Variants in SCN2A observed in about 807,000 individuals in gnomAD.
SCN2A encodes sodium voltage-gated channel alpha subunit 2.
Under a neutral mutation model 188.7 loss-of-function variants are expected in SCN2A, and 20 were observed. The ratio of observed to expected loss-of-function variants is 0.11; its 90% confidence interval spans 0.07 to 0.15. The LOEUF (loss-of-function observed/expected upper bound fraction) is 0.15. SCN2A is among the 10% of genes least tolerant of loss of function. SCN2A has a pLI of 1.00. For synonymous variants in SCN2A, 804 were observed against 833.1 expected (o/e 0.97, Z 0.60); for missense variants, 1,278 against 2,445.0 (o/e 0.52, Z 10.07).
intron 26 of SCN2A, 100 bp downstream of exon 26, chr2:165,387,116 A>G: frequency 8.3e-7 from 1 of 1,210,380 alleles, no homozygotes; most frequent in Non-Finnish European, 1.2e-6. Context: ...CATTCATCCC[A>G]AACTCCCAAA....
intron 1 of SCN2A, among the ~76,000 whole-genome samples, chr2:165,279,761 A>G (rs1387442541): frequency 6.6e-6 from 1 of 152,158 alleles, no homozygotes; most frequent in East Asian, 1.9e-4. Context: ...GGAGGGAGAT[A>G]GATGACATTA....
At chr2:165,283,480 ATGCC>A (rs1315148586) in intron 1 of SCN2A, among the ~76,000 whole-genome samples, 1 of 152,236 alleles carries the variant, frequency 6.6e-6, no homozygotes, top group Non-Finnish European at 1.5e-5. Context: ...CTCATCCTCC[ATGCC>A]TGGGATAAGA....
intron 1 of SCN2A, among the ~76,000 whole-genome samples, chr2:165,263,534 A>G (rs946793710): frequency 8.6e-5 from 13 of 151,820 alleles, no homozygotes; most frequent in Non-Finnish European, 1.6e-4. Flanking sequence ...AGCTGTAAAC[A>G]TTGGGCTTTA....
intron 16 of SCN2A, among the ~76,000 whole-genome samples, chr2:165,347,092 G>A (rs1227079753): frequency 6.6e-6 from 1 of 152,170 alleles, no homozygotes; most frequent in Non-Finnish European, 1.5e-5. Flanking sequence ...CCATAACTGG[G>A]TATATACCCA....
At chr2:165,373,468 A>G in intron 21 of SCN2A, 121 bp downstream of exon 21, 1 of 1,104,322 alleles carries the variant, frequency 9.1e-7, no homozygotes, top group South Asian at 1.4e-5. Context: ...TGACATAGCT[A>G]ATCAATCAAA....
At chr2:165,277,705 C>A (rs1468079802) in intron 1 of SCN2A, among the ~76,000 whole-genome samples, 2 of 152,190 alleles carry the variant, frequency 1.3e-5, no homozygotes, top group Non-Finnish European at 2.9e-5. Context: ...CAAGCCTGGT[C>A]TGTTTTAATT....
At chr2:165,312,829 C>T (rs755470409) in intron 8 of SCN2A, among the ~76,000 whole-genome samples, 76 of 152,160 alleles carry the variant, frequency 5.0e-4, no homozygotes, top group Non-Finnish European at 9.7e-4. Flanking sequence ...TTTCTTTGGA[C>T]GATGATACTG....
chr2:165,391,474 C>T lies in SCN2A; in HGVS notation c.*1650C>T, dbSNP rs1702121470. 1 of 152,450 alleles carries T rather than the reference C, an allele frequency of 6.6e-6. No homozygotes were observed. The highest frequency in any genetic ancestry group is 2.1e-4 in the South Asian group (1 of 4,830). The allele number at this position is 152,450 out of a possible 1,614,324, so 9.4% of individuals were successfully genotyped here. ...ATGTCACAGTCACTATTGTTAGTTT[C>T]TGTTCCTAGCACTTTTAAATTGAAG... On this transcript the variant is annotated 3_prime_UTR_variant, in exon 27 of 27. Transcript: ENST00000375437.
intron 7 of SCN2A, 133 bp downstream of exon 7, chr2:165,310,728 AAG>A: frequency 1.7e-6 from 1 of 571,490 alleles, no homozygotes; most frequent in East Asian, 3.2e-5. Flanking sequence ...ATACATATAA[AAG>A]AGATATCAAA....
chr2:165,262,371 TC>T (rs1312458515), intron 1 of SCN2A, among the ~76,000 whole-genome samples: 1 of 151,986 alleles, frequency 6.6e-6, no homozygotes, highest in Non-Finnish European at 1.5e-5. Flanking sequence ...TCTCACCCCC[TC>T]CCACCATTTC....
intron 1 of SCN2A, among the ~76,000 whole-genome samples, chr2:165,257,729 G>A (rs1486456662): frequency 1.3e-5 from 2 of 152,074 alleles, no homozygotes; most frequent in Non-Finnish European, 2.9e-5. Flanking sequence ...ATAGAGATGG[G>A]TTTTCACCAT....
chr2:165,245,867 A>T (rs2106057786), intron 1 of SCN2A, among the ~76,000 whole-genome samples: 1 of 152,352 alleles, frequency 6.6e-6, no homozygotes, highest in Middle Eastern at 3.4e-3. Context: ...TTAGAAAGTT[A>T]AAATGTGAAA....
chr2:165,254,851 A>G (rs1031326190), intron 1 of SCN2A, among the ~76,000 whole-genome samples: 109 of 151,906 alleles, frequency 7.2e-4, no homozygotes, highest in African/African-American at 2.5e-3. Flanking sequence ...ACCAGTATAT[A>G]TTTATTAGAA....
chr2:165,389,312 A>C lies in SCN2A; in HGVS notation c.5506A>C (p.Lys1836Gln), dbSNP rs779432244. The stretch of plus-strand genomic sequence containing the variant: ...TCCTCTTCTCATAGCAAAACCCAAC[A>C]AAGTCCAGCTCATTGCCATGGATCT... ...DPPLLIAKPN[K>Q]VQLIAMDLPM... The change falls in exon 27 of 27, where the codon AAA (lysine) becomes CAA (glutamine). Residue 1836 changes from lysine to glutamine, a missense_variant. Physicochemically the swap from Lys to Gln is moderately conservative, Grantham distance 53 (BLOSUM62 1). Around this residue, in one of 17 missense-constraint regions of SCN2A, gnomAD observed 54 missense variants for 135.4 expected, o/e 0.40. Coordinates refer to ENST00000375437, the MANE Select transcript of SCN2A (RefSeq NM_001040142.2). The surrounding 1 kb of genome is among the most constrained non-coding windows in gnomAD (Gnocchi z 4.2). 1.8e-5 allele frequency: 29 copies of C among 1,614,092 alleles called. No individual in the cohort carries two copies. Among genetic ancestry groups the C allele is most frequent in the Non-Finnish European group, 2.4e-5 (28 of 1,180,008 alleles).
chr2:165,335,379 A>G (rs1019677164), intron 14 of SCN2A, among the ~76,000 whole-genome samples: 1 of 151,770 alleles, frequency 6.6e-6, no homozygotes, highest in African/African-American at 2.4e-5. Context: ...AGTAAGCAAG[A>G]TAGTTTGGTA....
At chr2:165,290,313 C>G (rs1255961867) in intron 1 of SCN2A, among the ~76,000 whole-genome samples, 1 of 152,040 alleles carries the variant, frequency 6.6e-6, no homozygotes, top group Non-Finnish European at 1.5e-5. Flanking sequence ...ACTTATTTCT[C>G]CTGTCTAGCT....
At chr2:165,278,200 G>A (rs1695426537) in intron 1 of SCN2A, among the ~76,000 whole-genome samples, 1 of 152,168 alleles carries the variant, frequency 6.6e-6, no homozygotes, top group African/African-American at 2.4e-5. Flanking sequence ...AGAAGACCGT[G>A]AGCACATTAT....
At chr2:165,291,386 TC>T (rs1559339838) in intron 1 of SCN2A, among the ~76,000 whole-genome samples, 2 of 142,748 alleles carry the variant, frequency 1.4e-5, no homozygotes, top group Non-Finnish European at 1.6e-5. Flanking sequence ...CTTCCTTCCT[TC>T]CTTCCTTCCT....
chr2:165,369,011 C>T (rs1193362246), intron 19 of SCN2A, among the ~76,000 whole-genome samples: 4 of 151,868 alleles, frequency 2.6e-5, no homozygotes, highest in Non-Finnish European at 4.4e-5. Flanking sequence ...CTGCAGCCTC[C>T]ATCTCTTGGG....
Sources: gnomAD v4.1 joint callset for allele counts (sites outside exome capture counted in the v4.1 genomes callset) on GRCh38, gnomAD v4.1.1 for gene constraint, gnomAD v4.1.1 regional missense constraint, Gnocchi (gnomAD v3.1) non-coding constraint, MANE v1.5 for transcripts, NCBI Gene and HGNC (gene_info 2026-07-23, HGNC 2026-07-21) for gene names.